Variants in DIDO1 observed in about 807,000 individuals in gnomAD.
DIDO1 encodes the protein death-inducer obliterator 1.
DIDO1 carries 16 observed loss-of-function variants against 99.4 expected under a neutral mutation model. The ratio of observed to expected loss-of-function variants is 0.16; its 90% confidence interval spans 0.11 to 0.24. DIDO1 has a LOEUF of 0.24. Ranked by LOEUF, DIDO1 falls within the 10% of genes least tolerant of loss-of-function variation. The pLI, the probability that DIDO1 is intolerant of heterozygous loss-of-function variation, is 1.00. For missense variants in DIDO1, 2,996 were observed against 3,014.0 expected (o/e 0.99, Z 0.14); for synonymous variants, 1,366 against 1,239.1 (o/e 1.10, Z -2.15).
At chr20:62,920,108 G>C (rs1407983182) in intron 1 of DIDO1, among the ~76,000 whole-genome samples, 1 of 152,168 alleles carries the variant, frequency 6.6e-6, no homozygotes. Context: ...CTTGGGCCCT[G>C]GTGAGGACCA....
chr20:62,914,851 T>G (rs2065011043), intron 1 of DIDO1, among the ~76,000 whole-genome samples: 1 of 152,182 alleles, frequency 6.6e-6, no homozygotes, highest in Non-Finnish European at 1.5e-5. Flanking sequence ...TAATTGAAAA[T>G]TCTTAATAAT....
intron 1 of DIDO1, among the ~76,000 whole-genome samples, chr20:62,935,974 C>T (rs531789201): frequency 2.4e-4 from 36 of 152,340 alleles, no homozygotes; most frequent in African/African-American, 8.4e-4. Flanking sequence ...ACTTGGTAAC[C>T]GGTTGGCTGT....
chr20:62,933,628 G>A (rs552504981), intron 1 of DIDO1, among the ~76,000 whole-genome samples: 1 of 152,184 alleles, frequency 6.6e-6, no homozygotes, highest in East Asian at 1.9e-4. Context: ...CCAGCACTCT[G>A]GGAGGCTGAG....
rs373556983 is a variant in DIDO1, at chr20:62,905,275, GGA to G, written c.1588+610_1588+611del. The G allele has an allele frequency of 1.9e-4, 257 of 1,371,712 alleles. 1 individual carries two copies. The African/African-American group carries it at 3.2e-3, about 17-fold the overall frequency. 85.0% of individuals were successfully genotyped at this position (1,371,712 alleles called of 1,614,324 possible). ...CACTTACCGTGGGGCCTATGAAGCAGGAGTGTGTGGCCTTCGAAGTTCGAATG... is the reference window on the plus strand; with the variant it reads ...CACTTACCGTGGGGCCTATGAAGCAGGTGTGTGGCCTTCGAAGTTCGAATG... On this transcript the variant is annotated intron_variant, in intron 6 of 15. Transcript: ENST00000395343.
chr20:62,894,632 C>A lies in DIDO1; in HGVS notation c.2437-84G>T. 6.5e-7 allele frequency: 1 copy of A among 1,545,566 alleles called. No homozygotes were observed. Among genetic ancestry groups the A allele is most frequent in the Non-Finnish European group, 8.7e-7 (1 of 1,149,404 alleles). On this transcript the variant is annotated intron_variant, in intron 10 of 15. Coordinates refer to ENST00000395343, the MANE Select transcript of DIDO1 (RefSeq NM_001193369.2). This position sits in a 1 kb window ranked among gnomAD's most constrained non-coding sequence, Gnocchi z 4.4. ...TAACCACACACAAGAAAAGCAGTCT[C>A]ATGGGATTGAGACCCACGGGGGAGA...
intron 15 of DIDO1, among the ~76,000 whole-genome samples, chr20:62,883,078 T>A (rs1378739753): frequency 2.6e-5 from 4 of 151,914 alleles, no homozygotes; most frequent in African/African-American, 4.8e-5. Flanking sequence ...CATGCACCAC[T>A]ATGCCTGGCT....
intron 15 of DIDO1, among the ~76,000 whole-genome samples, chr20:62,885,665 G>A (rs984984520): frequency 3.9e-5 from 6 of 152,052 alleles, no homozygotes; most frequent in African/African-American, 1.4e-4. Flanking sequence ...GAATTTCCCC[G>A]CCATTTAAAA....
intron 1 of DIDO1, among the ~76,000 whole-genome samples, chr20:62,921,452 T>C (rs1039900534): frequency 1.8e-4 from 28 of 152,108 alleles, no homozygotes; most frequent in African/African-American, 6.8e-4. Context: ...AGGTACTGCT[T>C]TAGCATTCAC....
At chr20:62,916,393 GAC>G (rs1475936296) in intron 1 of DIDO1, among the ~76,000 whole-genome samples, 1 of 152,130 alleles carries the variant, frequency 6.6e-6, no homozygotes, top group Non-Finnish European at 1.5e-5. Context: ...TCAAGCAGAG[GAC>G]ACACACTGAC....
At chr20:62,889,998 G>A (rs748131763) in intron 15 of DIDO1, 23 of 985,542 alleles carry the variant, frequency 2.3e-5, no homozygotes, top group Non-Finnish European at 2.8e-5. Context: ...CCAAGATGTG[G>A]AGTGGCCCCT....
At chr20:62,889,370 A>AG (rs1959609747) in intron 15 of DIDO1, 4 of 953,262 alleles carry the variant, frequency 4.2e-6, no homozygotes, top group Non-Finnish European at 4.9e-6. Context: ...ACACCCTACA[A>AG]CCGTGCTCAC....
intron 15 of DIDO1, chr20:62,887,574 C>T (rs2064315381): frequency 1.0e-6 from 1 of 985,356 alleles, no homozygotes; most frequent in Admixed American, 6.1e-5. Context: ...ACCGAGGTTA[C>T]TCCACAGGCA....
At chr20:62,898,614 G>A (rs753921973) in intron 6 of DIDO1, among the ~76,000 whole-genome samples, 5 of 152,070 alleles carry the variant, frequency 3.3e-5, no homozygotes, top group South Asian at 2.1e-4. Context: ...CCTCATGGCC[G>A]GCCCCTGCCT....
intron 6 of DIDO1, among the ~76,000 whole-genome samples, chr20:62,903,893 T>C (rs146959482): frequency 1.3e-4 from 20 of 152,242 alleles, no homozygotes; most frequent in Non-Finnish European, 2.8e-4. Context: ...TACCCCGCTA[T>C]GGGCAGAAGA....
At chr20:62,887,379 A>C (rs2064312654) in intron 15 of DIDO1, 1 of 985,366 alleles carries the variant, frequency 1.0e-6, no homozygotes, top group Non-Finnish European at 1.2e-6. Context: ...TTTCTCAGCT[A>C]ATTTAGAAAG....
rs151043496 is a variant in DIDO1, at chr20:62,909,764, T to C, written c.1096A>G (p.Ile366Val). 1 of 1,614,264 alleles carries C rather than the reference T, an allele frequency of 6.2e-7. No individual in the cohort carries two copies. Among genetic ancestry groups the C allele is most frequent in the Non-Finnish European group, 8.5e-7 (1 of 1,180,046 alleles). The change falls in exon 4 of 16, where the codon ATA becomes GTA. Residue 366 changes from isoleucine (I) to valine (V), a missense_variant. Ile to Val is a conservative substitution (Grantham distance 29). Coordinates refer to ENST00000395343, the MANE Select transcript of DIDO1 (RefSeq NM_001193369.2). ...IEQKSSEDQG[I>V]KGRIEKAANP... ...GCAGCTTTCTCAATTCTACCCTTTATCCCTTGGTCTTCGCTAGACTTCTGC... is the reference window on the plus strand; with the variant it reads ...GCAGCTTTCTCAATTCTACCCTTTACCCCTTGGTCTTCGCTAGACTTCTGC...
At chr20:62,895,611 T>C (rs1457766694) in intron 8 of DIDO1, among the ~76,000 whole-genome samples, 2 of 152,204 alleles carry the variant, frequency 1.3e-5, no homozygotes, top group Non-Finnish European at 2.9e-5. Flanking sequence ...GGTATTTCAT[T>C]ATCCTAAAAT....
intron 15 of DIDO1, among the ~76,000 whole-genome samples, chr20:62,885,201 C>T (rs1425721149): frequency 6.6e-6 from 1 of 152,200 alleles, no homozygotes; most frequent in Non-Finnish European, 1.5e-5. Context: ...CCTCTGCCTG[C>T]AGAACCTGAC....
intron 5 of DIDO1, 33 bp from the exon 6 acceptor site, chr20:62,906,133 A>G (rs774036082): frequency 6.2e-5 from 99 of 1,587,420 alleles, no homozygotes; most frequent in Non-Finnish European, 7.9e-5. Context: ...AATCATTAAA[A>G]AGGTAAGAAA....
Sources: allele counts gnomAD v4.1 joint callset (sites outside exome capture counted in the v4.1 genomes callset), GRCh38; gene constraint gnomAD v4.1.1; non-coding constraint Gnocchi (gnomAD v3.1); transcripts MANE v1.5; gene names NCBI Gene and HGNC (gene_info 2026-07-23, HGNC 2026-07-21).